The following PCDHA10 variants were observed in gnomAD, a reference collection of about 807,000 sequenced individuals.
PCDHA10 encodes protocadherin alpha-10.
PCDHA10 carries 45 observed loss-of-function variants against 61.2 expected under a neutral mutation model. That is an observed-to-expected ratio of 0.74 (90% CI 0.58 to 0.94). The LOEUF (loss-of-function observed/expected upper bound fraction) is 0.94. Among genes scored for constraint, PCDHA10 ranks in the 40% least tolerant of loss-of-function variants. PCDHA10 has a pLI of 0.00. For synonymous variants in PCDHA10, 602 were observed against 548.8 expected, an observed-to-expected ratio of 1.10 and a Z score of -1.35; for missense variants, 1,278 against 1,236.2, an observed-to-expected ratio of 1.03 and a Z score of -0.51.
rs780758944 is a variant in PCDHA10 at position 140,904,284 on chromosome 5, T to G, written c.2388+45848T>G. Among the ~76,000 whole-genome samples the G allele has an allele frequency of 1.3e-3, 196 of 152,216 alleles. 3 individuals carry two copies. The highest frequency in any genetic ancestry group is 1.2e-3 in the Non-Finnish European group (83 of 68,010). ...CACTTATGAATGAGAACATGTGGTG[T>G]TTGGTTTTCCATTCCTGAGTTTCTT... On this transcript the variant is annotated intron_variant, in intron 1 of 3. Transcript: ENST00000307360.
intron 3 of PCDHA10, among the ~76,000 whole-genome samples, chr5:141,009,130 G>A (rs1395175038): frequency 2.0e-5 from 3 of 152,188 alleles, no homozygotes; most frequent in African/African-American, 7.2e-5. Flanking sequence ...TGGTATCCTG[G>A]TGAAAAAACC....
At chr5:140,977,831 T>C (rs987042342) in intron 1 of PCDHA10, among the ~76,000 whole-genome samples, 3 of 152,240 alleles carry the variant, frequency 2.0e-5, no homozygotes, top group Admixed American at 1.3e-4. Flanking sequence ...AATGGTCTAT[T>C]GATATTACTA....
At chr5:140,927,108 C>T (rs782811125) in intron 1 of PCDHA10, 6 of 1,613,528 alleles carry the variant, frequency 3.7e-6, no homozygotes, top group African/African-American at 1.3e-5. Context: ...ATCTACCCAG[C>T]GGCAATTTGG....
chr5:140,882,836 T>C (rs782210486), intron 1 of PCDHA10: 1 of 1,614,226 alleles, frequency 6.2e-7, no homozygotes, highest in South Asian at 1.1e-5. Flanking sequence ...TGAGCAAATG[T>C]CTTCATTATC....
At chr5:140,967,947 C>A in intron 1 of PCDHA10, 1 of 1,614,222 alleles carries the variant, frequency 6.2e-7, no homozygotes, top group Non-Finnish European at 8.5e-7. Flanking sequence ...GACCAAGACT[C>A]AGGCCCCAAC....
chr5:140,896,227 A>G (rs1332090647), intron 1 of PCDHA10, among the ~76,000 whole-genome samples: 1 of 152,230 alleles, frequency 6.6e-6, no homozygotes, highest in Non-Finnish European at 1.5e-5. Flanking sequence ...TCTTTATAGT[A>G]GAATGACTTA....
chr5:140,876,568 G>A (rs1302204057), intron 1 of PCDHA10: 1 of 1,614,046 alleles, frequency 6.2e-7, no homozygotes, highest in African/African-American at 1.3e-5. Context: ...TGCTCAGGTG[G>A]GTACCGTCAT....
At chr5:140,962,454 T>A (rs1554226040) in intron 1 of PCDHA10, among the ~76,000 whole-genome samples, 1 of 152,194 alleles carries the variant, frequency 6.6e-6, no homozygotes, top group Non-Finnish European at 1.5e-5. Flanking sequence ...TTGAATCTCT[T>A]ATGGCTTGAA....
At chr5:140,870,141 T>C in intron 1 of PCDHA10, 1 of 1,613,952 alleles carries the variant, frequency 6.2e-7, no homozygotes, top group Non-Finnish European at 8.5e-7. Flanking sequence ...ACGATAACTC[T>C]CCTGAAGTCG....
intron 1 of PCDHA10, among the ~76,000 whole-genome samples, chr5:140,890,293 A>G (rs1423277316): frequency 6.6e-6 from 1 of 152,196 alleles, no homozygotes; most frequent in African/African-American, 2.4e-5. Flanking sequence ...AGTCAGAACC[A>G]GGAGAGGTAA....
Position 141,009,778 on chromosome 5 carries a change from C to T in PCDHA10, c.2688C>T (p.Ser896=). Residue 896 remains serine, a synonymous_variant, in exon 4 of 4, where the codon TCC becomes TCT. Transcript: ENST00000307360. ...FIIPGSPAII[S]IRQEPTNSQI... ...TCCCAGGATCTCCTGCAATCATCTCCATCCGGCAGGAGCCTACTAACAGCC... is the reference window on the plus strand; with the variant it reads ...TCCCAGGATCTCCTGCAATCATCTCTATCCGGCAGGAGCCTACTAACAGCC... 1.2e-6 allele frequency: 2 copies of T among 1,614,122 alleles called. No homozygotes were observed.
intron 1 of PCDHA10, among the ~76,000 whole-genome samples, chr5:140,941,214 C>CTTTCTTT (rs1554214039): frequency 0.058 from 7,135 of 122,220 alleles, 362 homozygotes; most frequent in South Asian, 0.079. Context: ...TTTCTTTCTT[C>CTTTCTTT]CTTTCTTTCT....
At chr5:140,868,946 G>A in intron 1 of PCDHA10, 1 of 1,292,214 alleles carries the variant, frequency 7.7e-7, no homozygotes, top group Middle Eastern at 2.5e-4. Flanking sequence ...TCTGAACAGT[G>A]AGGCACTCCC....
chr5:140,892,351 G>T (rs1554185157), intron 1 of PCDHA10, among the ~76,000 whole-genome samples: 1 of 152,112 alleles, frequency 6.6e-6, no homozygotes, highest in Non-Finnish European at 1.5e-5. Context: ...ATTGACTTTT[G>T]CCAGGCATCT....
intron 1 of PCDHA10, among the ~76,000 whole-genome samples, chr5:140,872,551 C>T (rs574173970): frequency 6.6e-6 from 1 of 152,178 alleles, no homozygotes; most frequent in East Asian, 1.9e-4. Flanking sequence ...CCCCTGAACC[C>T]AGGGGTTCAG....
At chr5:140,974,009 A>C (rs1554235749) in intron 1 of PCDHA10, among the ~76,000 whole-genome samples, 2 of 152,236 alleles carry the variant, frequency 1.3e-5, no homozygotes, top group African/African-American at 4.8e-5. Flanking sequence ...TGTTTTGTGC[A>C]TGTGATAATA....
chr5:140,909,066 T>G (rs1554193625), intron 1 of PCDHA10, among the ~76,000 whole-genome samples: 1 of 152,200 alleles, frequency 6.6e-6, no homozygotes, highest in African/African-American at 2.4e-5. Flanking sequence ...GTCTCACCAA[T>G]AAGCCCAGTG....
chr5:140,907,433 G>A (rs1006736760), intron 1 of PCDHA10, among the ~76,000 whole-genome samples: 5 of 152,246 alleles, frequency 3.3e-5, no homozygotes, highest in Admixed American at 1.3e-4. Context: ...GGCATTCTGT[G>A]AGTCCACAGA....
chr5:140,938,180 A>G (rs913967767), intron 1 of PCDHA10, among the ~76,000 whole-genome samples: 2 of 152,166 alleles, frequency 1.3e-5, no homozygotes, highest in Non-Finnish European at 2.9e-5. Flanking sequence ...TCCTGGGCTC[A>G]AGCAATCCTC....
Sources: allele counts gnomAD v4.1 joint callset (sites outside exome capture counted in the v4.1 genomes callset), GRCh38; gene constraint gnomAD v4.1.1; transcripts MANE v1.5; gene names NCBI Gene and HGNC (gene_info 2026-07-23, HGNC 2026-07-21).